The following TMEM86A variants were observed in gnomAD, a reference collection of about 807,000 sequenced individuals.
TMEM86A encodes lysoplasmalogenase TMEM86A.
TMEM86A carries 13 observed loss-of-function variants against 19.8 expected under a neutral mutation model. The observed-to-expected ratio is 0.66, with a 90% CI of 0.43 to 1.04. The LOEUF (loss-of-function observed/expected upper bound fraction) is 1.04. TMEM86A is among the 50% of genes least tolerant of loss of function. The pLI is 0.00. For missense variants in TMEM86A, 248 were observed against 306.8 expected, an observed-to-expected ratio of 0.81 and a Z score of 1.43; for synonymous variants, 128 against 129.9, an observed-to-expected ratio of 0.99 and a Z score of 0.10.
Position 18,704,529 on chromosome 11 carries a change from T to C in TMEM86A, c.*2520T>C, listed in dbSNP as rs772744685. On this transcript the variant is annotated 3_prime_UTR_variant, in exon 3 of 3. Coordinates refer to ENST00000280734, the MANE Select transcript of TMEM86A (RefSeq NM_153347.3). ...GGTGATGGATGCTACAACTGACTTA[T>C]CATCTTTGTCTGAAAGAGCAAAGGA... 203 of 1,548,686 alleles carry C rather than the reference T, an allele frequency of 1.3e-4. No homozygotes were observed. The highest frequency in any genetic ancestry group is 1.7e-4 in the Middle Eastern group (1 of 6,012).
chr11:18,701,866 G>T lies in TMEM86A; in HGVS notation c.580G>T (p.Ala194Ser), dbSNP rs775893136. 3.7e-6 allele frequency: 6 copies of T among 1,614,096 alleles called. No individual in the cohort carries two copies. Among genetic ancestry groups the T allele is most frequent in the Non-Finnish European group, 5.1e-6 (6 of 1,180,036 alleles). Residue 194 changes from alanine to serine, a missense_variant, in exon 3 of 3, where the codon GCC becomes TCC. Transcript: ENST00000280734. The surrounding 1 kb of genome is among the most constrained non-coding windows in gnomAD (Gnocchi z 5.3). ...CTTTATCATCTCAGACCTGACCATC[G>T]CCCTCAACAAATTCTGTTTTCCTGT... ...LFFIISDLTIALNKFCFPVPY... is the reference protein window; with the variant it reads ...LFFIISDLTISLNKFCFPVPY...
At position 18,701,486 on chromosome 11, in the gene TMEM86A, C is replaced by T. The variant is rs1354425978; in HGVS notation, c.287-87C>T. The T allele has an allele frequency of 1.4e-6, 2 of 1,394,292 alleles. No individual in the cohort carries two copies. Among genetic ancestry groups the T allele is most frequent in the Non-Finnish European group, 2.0e-6 (2 of 1,024,638 alleles). 86.4% of individuals were successfully genotyped at this position (1,394,292 alleles called of 1,614,324 possible). On this transcript the variant is annotated intron_variant, in intron 2 of 2. Coordinates refer to ENST00000280734, the MANE Select transcript of TMEM86A (RefSeq NM_153347.3). This position sits in a 1 kb window ranked among gnomAD's most constrained non-coding sequence, Gnocchi z 5.3. ...GCTGGGTTATCCCAAACACTCCACT[C>T]CATCGCCACATCCATCCCTACCCCC... is the stretch of plus-strand genomic sequence containing the variant.
Position 18,701,716 on chromosome 11 carries a change from A to G in TMEM86A, c.430A>G (p.Thr144Ala). Residue 144 changes from threonine (T) to alanine (A), a missense_variant, in exon 3 of 3, where the codon ACC becomes GCC. Transcript: ENST00000280734. This position sits in a 1 kb window ranked among gnomAD's most constrained non-coding sequence, Gnocchi z 5.3. ...LLYPCLSGAF[T>A]YLVGVYVALI... The stretch of plus-strand genomic sequence containing the variant: ...CTACCCATGCCTCTCAGGTGCCTTC[A>G]CCTACCTGGTGGGGGTCTATGTGGC... 1 of 1,613,922 alleles carries G rather than the reference A, an allele frequency of 6.2e-7. No individual in the cohort carries two copies. The highest frequency in any genetic ancestry group is 8.5e-7 in the Non-Finnish European group (1 of 1,179,976).
chr11:18,699,830 C>T lies in TMEM86A; in HGVS notation c.21+923C>T, dbSNP rs1313580991. 6.6e-6 allele frequency: 1 copy of T among 152,448 alleles called. No homozygotes were observed. Among genetic ancestry groups the T allele is most frequent in the Non-Finnish European group, 1.5e-5 (1 of 68,218 alleles). The allele number at this position is 152,448 out of a possible 1,614,324, so 9.4% of individuals were successfully genotyped here. On this transcript the variant is annotated intron_variant, in intron 1 of 2. Coordinates refer to ENST00000280734, the MANE Select transcript of TMEM86A (RefSeq NM_153347.3). The surrounding 1 kb of genome is among the most constrained non-coding windows in gnomAD (Gnocchi z 4.0). Reference sequence around the variant, plus strand: ...GATCAGTCCTTAGGTACCTGGTCGTCTGGACTCTGAGTGTTTCCCAAGTCC... The same window carrying T: ...GATCAGTCCTTAGGTACCTGGTCGTTTGGACTCTGAGTGTTTCCCAAGTCC...
chr11:18,704,071 G>A lies in TMEM86A; in HGVS notation c.*2062G>A, dbSNP rs1848176473. On this transcript the variant is annotated 3_prime_UTR_variant, in exon 3 of 3. Coordinates refer to ENST00000280734, the MANE Select transcript of TMEM86A (RefSeq NM_153347.3). The stretch of plus-strand genomic sequence containing the variant: ...CTACCTAGTGTGAAGAAATGGGAGG[G>A]AGCAGGATGGAGAGCAGGATGAAGT... 9.3e-6 allele frequency: 2 copies of A among 214,842 alleles called. No homozygotes were observed. The highest frequency in any genetic ancestry group is 1.9e-5 in the Non-Finnish European group (2 of 105,194). 13.3% of individuals were successfully genotyped at this position (214,842 alleles called of 1,614,324 possible).
In TMEM86A at chr11:18,704,692, A is replaced by G; in HGVS notation, c.*2683A>G. 1.6e-6 allele frequency: 1 copy of G among 623,930 alleles called. No individual in the cohort carries two copies. The highest frequency in any genetic ancestry group is 2.9e-6 in the Non-Finnish European group (1 of 346,690). 38.6% of individuals were successfully genotyped at this position (623,930 alleles called of 1,614,324 possible). The stretch of plus-strand genomic sequence containing the variant: ...TGTGAAGGGGCAAGAGCTGCCATTT[A>G]TCTAGCACTTAATATTTGCCAGACA... On this transcript the variant is annotated 3_prime_UTR_variant, in exon 3 of 3. Transcript: ENST00000280734.
rs1370820153 is a variant in TMEM86A at position 18,704,442 on chromosome 11, T to C, written c.*2433T>C. 2.6e-6 allele frequency: 4 copies of C among 1,513,578 alleles called. No individual in the cohort carries two copies. The East Asian group carries it at 9.8e-5, about 37-fold the overall frequency. The allele number at this position is 1,513,578 out of a possible 1,614,324, so 93.8% of individuals were successfully genotyped here. ...CAAGAAACTCCACATCATAACAGCC[T>C]CCTGATGCCTGGGCTTGGCTGGAGC... On this transcript the variant is annotated 3_prime_UTR_variant, in exon 3 of 3. Coordinates refer to ENST00000280734, the MANE Select transcript of TMEM86A (RefSeq NM_153347.3).
At position 18,702,111 on chromosome 11, in the gene TMEM86A, C is replaced by A; in HGVS notation, c.*102C>A. The A allele has an allele frequency of 2.4e-6, 3 of 1,270,820 alleles. No individual in the cohort carries two copies. Among genetic ancestry groups the A allele is most frequent in the Non-Finnish European group, 2.2e-6 (2 of 912,398 alleles). The allele number at this position is 1,270,820 out of a possible 1,614,324, so 78.7% of individuals were successfully genotyped here. A position where few individuals can be genotyped will look rare whatever the true frequency, so the allele number is the denominator to read the frequency against. On this transcript the variant is annotated 3_prime_UTR_variant, in exon 3 of 3. Transcript: ENST00000280734. ...GGATGGCTGCAGTGCCAGCCTGGGG[C>A]AGCAGGTACTGCCTGAGGAATTTGC... is the stretch of plus-strand genomic sequence containing the variant.
Position 18,703,040 on chromosome 11 carries a change from T to C in TMEM86A, c.*1031T>C, listed in dbSNP as rs895725936. The C allele has an allele frequency of 6.5e-5, 10 of 152,766 alleles. No homozygotes were observed. The highest frequency in any genetic ancestry group is 2.4e-4 in the African/African-American group (10 of 41,566). 9.5% of individuals were successfully genotyped at this position (152,766 alleles called of 1,614,324 possible). A position where few individuals can be genotyped will look rare whatever the true frequency, so the allele number is the denominator to read the frequency against. On this transcript the variant is annotated 3_prime_UTR_variant, in exon 3 of 3. Coordinates refer to ENST00000280734, the MANE Select transcript of TMEM86A (RefSeq NM_153347.3). ...GTTTTAAGACCCAAGGCACATTCAA[T>C]GCAAGGGGAGCAAGGATGGGACAAC...
chr11:18,704,582 G>A lies in TMEM86A; in HGVS notation c.*2573G>A, dbSNP rs1189008654. The A allele has an allele frequency of 7.1e-6, 9 of 1,260,396 alleles. No homozygotes were observed. The highest frequency in any genetic ancestry group is 2.0e-5 in the Admixed American group (1 of 50,430). The allele number at this position is 1,260,396 out of a possible 1,614,324, so 78.1% of individuals were successfully genotyped here. ...TATTCGTTATATTAATGATGCTGGC[G>A]ACCAGGGAAATTCCAAACTGCTGGA... On this transcript the variant is annotated 3_prime_UTR_variant, in exon 3 of 3. Transcript: ENST00000280734.
chr11:18,701,977 G>A lies in TMEM86A; in HGVS notation c.691G>A (p.Val231Met). The A allele has an allele frequency of 6.2e-7, 1 of 1,609,620 alleles. No homozygotes were observed. Among genetic ancestry groups the A allele is most frequent in the South Asian group, 1.1e-5 (1 of 91,084 alleles). Residue 231 changes from valine to methionine, a missense_variant, in exon 3 of 3, where the codon GTG becomes ATG. Transcript: ENST00000280734. The surrounding 1 kb of genome is among the most constrained non-coding windows in gnomAD (Gnocchi z 5.3). The part of the protein sequence containing the change: ...ALSAVESREP[V>M]EHYRLTKAN ...GTCAGCTGTCGAAAGCCGGGAGCCT[G>A]TGGAACACTACAGACTGACCAAGGC...
At position 18,702,417 on chromosome 11, in the gene TMEM86A, T is replaced by C. The variant is rs1848160307; in HGVS notation, c.*408T>C. The C allele has an allele frequency of 8.9e-6, 2 of 224,642 alleles. No individual in the cohort carries two copies. Among genetic ancestry groups the C allele is most frequent in the Admixed American group, 5.1e-5 (1 of 19,796 alleles). 13.9% of individuals were successfully genotyped at this position (224,642 alleles called of 1,614,324 possible). A position where few individuals can be genotyped will look rare whatever the true frequency, so the allele number is the denominator to read the frequency against. On this transcript the variant is annotated 3_prime_UTR_variant, in exon 3 of 3. Transcript: ENST00000280734. ...TGGGTTCACCCACTCCTCCCCTTTT[T>C]CATCTGCACAAAGTTGAGGGAAACG...
At position 18,699,044 on chromosome 11, in the gene TMEM86A, G is replaced by C. The variant is rs1423271778; in HGVS notation, c.21+137G>C. 2.7e-6 allele frequency: 1 copy of C among 368,442 alleles called. No homozygotes were observed. Among genetic ancestry groups the C allele is most frequent in the Non-Finnish European group, 4.8e-6 (1 of 207,440 alleles). 22.8% of individuals were successfully genotyped at this position (368,442 alleles called of 1,614,324 possible). The stretch of plus-strand genomic sequence containing the variant: ...CGTGGCGGCCGGAGTCCCGCGGCGG[G>C]AGGCGGGCGCTGTCACCGCCCCCCG... On this transcript the variant is annotated intron_variant, in intron 1 of 2. Transcript: ENST00000280734. This position sits in a 1 kb window ranked among gnomAD's most constrained non-coding sequence, Gnocchi z 4.0.
rs1461362555 is a variant in TMEM86A at position 18,702,014 on chromosome 11, C to T, written c.*5C>T. ...AGACTGACCAAGGCCAACTGAGGTG[C>T]CAGGGTCTGGTCACCCCTCTCTCCT... On this transcript the variant is annotated 3_prime_UTR_variant, in exon 3 of 3. Coordinates refer to ENST00000280734, the MANE Select transcript of TMEM86A (RefSeq NM_153347.3). 3.1e-6 allele frequency: 5 copies of T among 1,602,228 alleles called. No individual in the cohort carries two copies. In the African/African-American group the frequency reaches 4.0e-5, roughly 13 times the overall value.
Position 18,701,101 on chromosome 11 carries a change from G to A in TMEM86A, c.190G>A (p.Ala64Thr). 2 of 1,614,068 alleles carry A rather than the reference G, an allele frequency of 1.2e-6. No homozygotes were observed. Among genetic ancestry groups the A allele is most frequent in the Non-Finnish European group, 1.7e-6 (2 of 1,180,040 alleles). ...LLAHGLGFLLAHPSATRIFVG... is the reference protein window; with the variant it reads ...LLAHGLGFLLTHPSATRIFVG... ...GGCCCATGGCCTGGGATTCCTGCTG[G>A]CCCACCCCAGCGCCACCCGCATCTT... is the stretch of plus-strand genomic sequence containing the variant. Residue 64 changes from alanine to threonine, a missense_variant, in exon 2 of 3, where the codon GCC becomes ACC. By Grantham distance (58) the Ala-to-Thr change is moderately conservative. Coordinates refer to ENST00000280734, the MANE Select transcript of TMEM86A (RefSeq NM_153347.3). The surrounding 1 kb of genome is among the most constrained non-coding windows in gnomAD (Gnocchi z 5.3).
chr11:18,701,650 C>A lies in TMEM86A; in HGVS notation c.364C>A (p.Leu122Met). The change falls in exon 3 of 3, where the codon CTG becomes ATG. Residue 122 changes from leucine to methionine, a missense_variant. Leu to Met is a conservative substitution (Grantham distance 15). Transcript: ENST00000280734. This position sits in a 1 kb window ranked among gnomAD's most constrained non-coding sequence, Gnocchi z 5.3. ...GMQPLALRTG[L>M]VMAALSGLCY... ...GCAGCCACTGGCTCTTCGGACAGGT[C>A]TGGTGATGGCAGCGCTGTCGGGCCT... 1.2e-6 allele frequency: 2 copies of A among 1,608,378 alleles called. No homozygotes were observed. The highest frequency in any genetic ancestry group is 1.7e-6 in the Non-Finnish European group (2 of 1,176,078).
Position 18,698,852 on chromosome 11 carries a change from C to G in TMEM86A, c.-35C>G. On this transcript the variant is annotated 5_prime_UTR_variant, in exon 1 of 3. Coordinates refer to ENST00000280734, the MANE Select transcript of TMEM86A (RefSeq NM_153347.3). Reference sequence around the variant, plus strand: ...CGTGGGCGCGTCCTGGCCGCTGCAGCCCGGAGCAGGGTGCCAGCCGCCGCC... The same window carrying G: ...CGTGGGCGCGTCCTGGCCGCTGCAGGCCGGAGCAGGGTGCCAGCCGCCGCC... 2 of 672,642 alleles carry G rather than the reference C, an allele frequency of 3.0e-6. No homozygotes were observed. The highest frequency in any genetic ancestry group is 3.1e-5 in the South Asian group (2 of 64,518). The allele number at this position is 672,642 out of a possible 1,614,324, so 41.7% of individuals were successfully genotyped here. A position where few individuals can be genotyped will look rare whatever the true frequency, so the allele number is the denominator to read the frequency against.
rs1848173726 is a variant in TMEM86A at position 18,703,863 on chromosome 11, T to C, written c.*1854T>C. 6.6e-6 allele frequency: 1 copy of C among 152,268 alleles called. No homozygotes were observed. Among genetic ancestry groups the C allele is most frequent in the African/African-American group, 2.4e-5 (1 of 41,442 alleles). The allele number at this position is 152,268 out of a possible 1,614,324, so 9.4% of individuals were successfully genotyped here. ...GGCTCAAAGACCTCCTATCCTTATT[T>C]CAAGTCCAGTAGCTTCTTAGGTTGT... On this transcript the variant is annotated 3_prime_UTR_variant, in exon 3 of 3. Coordinates refer to ENST00000280734, the MANE Select transcript of TMEM86A (RefSeq NM_153347.3).
Position 18,701,673 on chromosome 11 carries a change from C to T in TMEM86A, c.387C>T (p.Gly129=), listed in dbSNP as rs1156259239. 3.1e-6 allele frequency: 5 copies of T among 1,613,124 alleles called. No homozygotes were observed. The African/African-American group carries it at 4.0e-5, about 13-fold the overall frequency. ...GTCTGGTGATGGCAGCGCTGTCGGGCCTGTGCTATGCCCTCCTCTACCCAT... is the reference window on the plus strand; with the variant it reads ...GTCTGGTGATGGCAGCGCTGTCGGGTCTGTGCTATGCCCTCCTCTACCCAT... ...RTGLVMAALS[G]LCYALLYPCL... Residue 129 remains glycine, a synonymous_variant, in exon 3 of 3, where the codon GGC becomes GGT. Coordinates refer to ENST00000280734, the MANE Select transcript of TMEM86A (RefSeq NM_153347.3). The surrounding 1 kb of genome is among the most constrained non-coding windows in gnomAD (Gnocchi z 5.3).
Sources: gnomAD v4.1 joint callset for allele counts on GRCh38, gnomAD v4.1.1 for gene constraint, Gnocchi (gnomAD v3.1) non-coding constraint, MANE v1.5 for transcripts, NCBI Gene and HGNC (gene_info 2026-07-23, HGNC 2026-07-21) for gene names.